Variants in FGFR4 observed in about 807,000 individuals in gnomAD.
FGFR4 encodes hydroxyaryl-protein kinase.
Under a neutral mutation model 89.9 loss-of-function variants are expected in FGFR4, and 63 were observed. That is an observed-to-expected ratio of 0.70 (90% confidence interval 0.57 to 0.86). The LOEUF is 0.86. Among genes scored for constraint, FGFR4 ranks in the 40% least tolerant of loss-of-function variants. FGFR4 has a pLI of 0.00. For synonymous variants in FGFR4, 486 were observed against 479.4 expected (o/e 1.01, Z -0.18); for missense variants, 928 against 1,106.7 (o/e 0.84, Z 2.29).
rs1175426217 is a variant in FGFR4 at position 177,087,573 on chromosome 5, T to C, written c.-54+496T>C. 1.5e-5 allele frequency: 15 copies of C among 985,130 alleles called. No homozygotes were observed. Among genetic ancestry groups the C allele is most frequent in the Non-Finnish European group, 1.8e-5 (15 of 829,936 alleles). 61.0% of individuals were successfully genotyped at this position (985,130 alleles called of 1,614,324 possible). ...CCCTCCATTCCCACGTGGGGGGTGG[T>C]CGGTCAGCGGTCAGCAGCCATGGGT... On this transcript the variant is annotated intron_variant, in intron 1 of 17. Transcript: ENST00000292408. The surrounding 1 kb of genome is among the most constrained non-coding windows in gnomAD (Gnocchi z 6.1).
Position 177,093,406 on chromosome 5 carries a change from T to A in FGFR4, c.1252T>A (p.Phe418Ile). 6.2e-7 allele frequency: 1 copy of A among 1,614,110 alleles called. No homozygotes were observed. The highest frequency in any genetic ancestry group is 8.5e-7 in the Non-Finnish European group (1 of 1,179,954). The change falls in exon 10 of 18, where the codon TTC (phenylalanine) becomes ATC (isoleucine). Residue 418 changes from phenylalanine to isoleucine, a missense_variant and splice_region_variant. Coordinates refer to ENST00000292408, the MANE Select transcript of FGFR4 (RefSeq NM_213647.3). The surrounding 1 kb of genome is among the most constrained non-coding windows in gnomAD (Gnocchi z 5.8). ...CAGAACCAAGTCTCCCACTTTGCAG[T>A]TCTCCCTGGAGTCAGGCTCTTCCGG... Reference protein sequence around the residue: ...KLSRFPLARQFSLESGSSGKS... With the variant: ...KLSRFPLARQISLESGSSGKS...
intron 2 of FGFR4, chr5:177,090,118 ATGTGTGTGTGTGTATGCGTGTG>A (rs1478804839): frequency 1.1e-4 from 68 of 632,210 alleles, no homozygotes; most frequent in African/African-American, 5.8e-4. Flanking sequence ...GTGTGTCCGT[ATGTGTGTGTGTGTATGCGTGTG>A]TGTGTGTGTG....
At position 177,093,539 on chromosome 5, in the gene FGFR4, TC is replaced by T. The variant is rs1784446005; in HGVS notation, c.1390del (p.Arg464GlyfsTer10). 6.2e-7 allele frequency: 1 copy of T among 1,613,512 alleles called. No homozygotes were observed. Among genetic ancestry groups the T allele is most frequent in the Non-Finnish European group, 8.5e-7 (1 of 1,179,766 alleles). On this transcript the variant is annotated frameshift_variant, in exon 10 of 18. Coordinates refer to ENST00000292408, the MANE Select transcript of FGFR4 (RefSeq NM_213647.3). LOFTEE classifies it high-confidence loss of function. The surrounding 1 kb of genome is among the most constrained non-coding windows in gnomAD (Gnocchi z 5.8). ...LDLPLDPLWE[F>X]PRDRLVLGKP... ...CTACCTCTCGACCCACTATGGGAGT[TC>T]CCCCGGGACAGGTGCGCTGAGCTGT...
chr5:177,096,425 C>A (rs2149738950), intron 15 of FGFR4, 68 bp downstream of exon 15: 1 of 1,588,040 alleles, frequency 6.3e-7, no homozygotes, highest in Non-Finnish European at 8.6e-7. Flanking sequence ...AGTCACGTGG[C>A]CCCAGGAGTC....
Position 177,091,098 on chromosome 5 carries a change from C to A in FGFR4, c.597C>A (p.Gly199=). ...TTCATGGGGAGAACCGCATTGGAGGCATTCGGGTGAGTCTCTGGGTTCCAA... is the reference window on the plus strand; with the variant it reads ...TTCATGGGGAGAACCGCATTGGAGGAATTCGGGTGAGTCTCTGGGTTCCAA... ...QAFHGENRIG[G]IRLRHQHWSL... is the part of the protein sequence containing the mutation. The change falls in exon 5 of 18, where the codon GGC becomes GGA. Residue 199 remains glycine (G), a synonymous_variant. Coordinates refer to ENST00000292408, the MANE Select transcript of FGFR4 (RefSeq NM_213647.3). 1 of 1,575,570 alleles carries A rather than the reference C, an allele frequency of 6.3e-7. No homozygotes were observed. Among genetic ancestry groups the A allele is most frequent in the Non-Finnish European group, 8.7e-7 (1 of 1,153,378 alleles).
chr5:177,096,299 G>C lies in FGFR4; in HGVS notation c.1957G>C (p.Val653Leu), dbSNP rs1784559235. ...CTCTCCCCTCCAGGGCCGCCTGCCT[G>C]TGAAGTGGATGGCGCCCGAGGCCTT... is the stretch of plus-strand genomic sequence containing the variant. ...YKKTSNGRLP[V>L]KWMAPEALFD... Residue 653 changes from valine to leucine, a missense_variant, in exon 15 of 18, where the codon GTG becomes CTG. This residue lies in a region of FGFR4 where 27 missense variants were observed against 64.4 expected (regional missense o/e 0.42). Coordinates refer to ENST00000292408, the MANE Select transcript of FGFR4 (RefSeq NM_213647.3). 1 of 1,614,062 alleles carries C rather than the reference G, an allele frequency of 6.2e-7. No homozygotes were observed. The highest frequency in any genetic ancestry group is 1.1e-5 in the South Asian group (1 of 91,092).
chr5:177,092,015 A>G (rs1430859143), intron 6 of FGFR4, among the ~76,000 whole-genome samples: 1 of 152,234 alleles, frequency 6.6e-6, no homozygotes, highest in Non-Finnish European at 1.5e-5. Flanking sequence ...ACATCCAGGC[A>G]GAGGGCGCAG....
chr5:177,089,145 C>T (rs1423320787), intron 1 of FGFR4, among the ~76,000 whole-genome samples: 2 of 152,208 alleles, frequency 1.3e-5, no homozygotes, highest in Non-Finnish European at 2.9e-5. Flanking sequence ...GAAGTTTGAC[C>T]TTGTGTCATT....
chr5:177,094,014 G>C (rs1412284609), intron 11 of FGFR4, among the ~76,000 whole-genome samples: 1 of 151,980 alleles, frequency 6.6e-6, no homozygotes, highest in Non-Finnish European at 1.5e-5. Context: ...GAGGTTGCAG[G>C]GAGCCATGAT....
intron 15 of FGFR4, 90 bp from the exon 16 acceptor site, chr5:177,096,514 C>G: frequency 6.5e-7 from 1 of 1,549,814 alleles, no homozygotes; most frequent in Non-Finnish European, 8.8e-7. Flanking sequence ...TCCCCAACAG[C>G]TGTGGTGGGT....
chr5:177,096,721 C>T lies in FGFR4; in HGVS notation c.2133C>T (p.Pro711=), dbSNP rs144302636. The change falls in exon 16 of 18, where the codon CCC becomes CCT. Residue 711 remains proline, a synonymous_variant. Transcript: ENST00000292408. ...LLREGHRMDR[P]PHCPPELYGL... is the part of the protein sequence containing the mutation. ...GGGAGGGACATCGGATGGACCGACC[C>T]CCACACTGCCCCCCAGAGCTGTGAG... is the stretch of plus-strand genomic sequence containing the variant. 6.3e-7 allele frequency: 1 copy of T among 1,586,280 alleles called. No individual in the cohort carries two copies. Among genetic ancestry groups the T allele is most frequent in the South Asian group, 1.2e-5 (1 of 85,312 alleles).
rs963584923 is a variant in FGFR4 at position 177,095,928 on chromosome 5, G to A, written c.1822-129G>A. 47 of 1,382,912 alleles carry A rather than the reference G, an allele frequency of 3.4e-5. No homozygotes were observed. Among genetic ancestry groups the A allele is most frequent in the Middle Eastern group, 5.2e-4 (2 of 3,812 alleles). 85.7% of individuals were successfully genotyped at this position (1,382,912 alleles called of 1,614,324 possible). A position where few individuals can be genotyped will look rare whatever the true frequency, so the allele number is the denominator to read the frequency against. On this transcript the variant is annotated intron_variant, in intron 13 of 17. Coordinates refer to ENST00000292408, the MANE Select transcript of FGFR4 (RefSeq NM_213647.3). The surrounding 1 kb of genome is among the most constrained non-coding windows in gnomAD (Gnocchi z 5.7). ...GGGGACGCAGGAGAAGGCACTCCCC[G>A]TTTCTAAACCTTGACCTCCTCCTCT... is the stretch of plus-strand genomic sequence containing the variant.
At chr5:177,091,337 T>G (rs1351652156) in intron 5 of FGFR4, among the ~76,000 whole-genome samples, 1 of 152,202 alleles carries the variant, frequency 6.6e-6, no homozygotes, top group African/African-American at 2.4e-5. Context: ...GAAGAATCAC[T>G]GACTGGTTGG....
In FGFR4 at chr5:177,097,272, C is replaced by A. The variant is rs1400149314; in HGVS notation, c.2154-20C>A. The A allele has an allele frequency of 3.8e-6, 6 of 1,569,918 alleles. No individual in the cohort carries two copies. The highest frequency in any genetic ancestry group is 5.2e-6 in the Non-Finnish European group (6 of 1,157,480). On this transcript the variant is annotated intron_variant, in intron 16 of 17. Transcript: ENST00000292408. ...TGAAGGCCTGAGGCTCCCTGTGACC[C>A]TCCGCCCCACCTCTCGCAGGTACGG...
chr5:177,092,953 C>T, intron 8 of FGFR4, 169 bp downstream of exon 8: 3 of 1,295,312 alleles, frequency 2.3e-6, no homozygotes, highest in South Asian at 1.3e-5. Flanking sequence ...TGCCTCTCCA[C>T]ACGTGGCCGT....
At chr5:177,090,898 GA>G (rs755733945) in intron 4 of FGFR4, 39 bp from the exon 5 acceptor site, 2 of 1,614,082 alleles carry the variant, frequency 1.2e-6, no homozygotes, top group South Asian at 1.1e-5. Flanking sequence ...GCCTGTGTGG[GA>G]ACACACGGTC....
chr5:177,094,683 C>T (rs543150197), intron 11 of FGFR4: 29 of 155,122 alleles, frequency 1.9e-4, no homozygotes, highest in Admixed American at 8.2e-4. Flanking sequence ...CAAGAATGGC[C>T]TCCACTGCTC....
In FGFR4 at chr5:177,096,499, C is replaced by T. The variant is rs140544900; in HGVS notation, c.2016-105C>T. On this transcript the variant is annotated intron_variant, in intron 15 of 17. Transcript: ENST00000292408. The stretch of plus-strand genomic sequence containing the variant: ...GAGTGGGCCCAGACTCCAGGAGGAG[C>T]CCATTCCCCAACAGCTGTGGTGGGT... 90 of 1,531,150 alleles carry T rather than the reference C, an allele frequency of 5.9e-5. No individual in the cohort carries two copies. The African/African-American group carries it at 1.1e-3, about 19-fold the overall frequency. 94.8% of individuals were successfully genotyped at this position (1,531,150 alleles called of 1,614,324 possible).
At position 177,097,379 on chromosome 5, in the gene FGFR4, G is replaced by A. The variant is rs1488997248; in HGVS notation, c.2241G>A (p.Leu747=). The change falls in exon 17 of 18, where the codon CTG becomes CTA. Residue 747 remains leucine, a synonymous_variant. Transcript: ENST00000292408. ...TGGTGGAGGCGCTGGACAAGGTCCT[G>A]CTGGCCGTCTCTGAGGAGGTACAGC... The part of the protein sequence containing the change: ...KQLVEALDKV[L]LAVSEEYLDL... The A allele has an allele frequency of 1.2e-6, 2 of 1,611,702 alleles. No homozygotes were observed. The highest frequency in any genetic ancestry group is 1.7e-6 in the Non-Finnish European group (2 of 1,179,204).
Sources: allele counts gnomAD v4.1 joint callset (sites outside exome capture counted in the v4.1 genomes callset), GRCh38; gene constraint gnomAD v4.1.1; regional missense constraint gnomAD v4.1.1; non-coding constraint Gnocchi (gnomAD v3.1); transcripts MANE v1.5; gene names NCBI Gene and HGNC (gene_info 2026-07-23, HGNC 2026-07-21).